SKAP1: variants seen among roughly 807,000 people sequenced by gnomAD.
SKAP1 encodes src kinase-associated phosphoprotein 1.
A neutral mutation model predicts 58.5 loss-of-function variants in SKAP1; 44 were observed. That is an observed-to-expected ratio of 0.75 (90% CI 0.59 to 0.97). SKAP1 has a LOEUF of 0.97. Ranked by LOEUF, SKAP1 falls within the 50% of genes least tolerant of loss-of-function variation. The probability of loss-of-function intolerance (pLI) is 0.00; values close to 1 mark genes in which losing one functional copy is unlikely to be tolerated. For synonymous variants in SKAP1, 127 were observed against 149.7 expected, an observed-to-expected ratio of 0.85 and a Z score of 1.11; for missense variants, 390 against 435.2, an observed-to-expected ratio of 0.90 and a Z score of 0.92.
At chr17:48,193,616 T>C in intron 4 of SKAP1, 1 of 885,828 alleles carries the variant, frequency 1.1e-6, no homozygotes, top group Non-Finnish European at 1.4e-6. Flanking sequence ...CAAATCCAAA[T>C]AACCAAGGTG....
chr17:48,438,126 C>A, the SKAP1 span, among the ~76,000 whole-genome samples: 1 of 152,314 alleles, frequency 6.6e-6, no homozygotes, highest in East Asian at 1.9e-4. Context: ...TAAAGTCAGA[C>A]AACCCTGTGC....
At chr17:48,250,315 T>A (rs2065349011) in intron 4 of SKAP1, among the ~76,000 whole-genome samples, 3 of 120,922 alleles carry the variant, frequency 2.5e-5, no homozygotes, top group Non-Finnish European at 3.4e-5. Context: ...GGAGTTTCAC[T>A]CTGTCGCCCA....
intron 4 of SKAP1, among the ~76,000 whole-genome samples, chr17:48,201,383 C>G (rs1249946680): frequency 3.3e-5 from 5 of 150,988 alleles, no homozygotes; most frequent in African/African-American, 1.2e-4. Context: ...TCTTTCCTCT[C>G]TCTCTCTTTC....
In SKAP1 at chr17:48,189,518, A is replaced by G; in HGVS notation, c.281-18T>C. 6.3e-7 allele frequency: 1 copy of G among 1,599,180 alleles called. No individual in the cohort carries two copies. The highest frequency in any genetic ancestry group is 8.5e-7 in the Non-Finnish European group (1 of 1,171,414). Reference sequence around the variant, plus strand: ...TTCCATTCCTAAAAGGACCAATGGCAAAATGCTTTATTGAAACCTGGCAAA... The same window carrying G: ...TTCCATTCCTAAAAGGACCAATGGCGAAATGCTTTATTGAAACCTGGCAAA... On this transcript the variant is annotated intron_variant, in intron 4 of 12. Transcript: ENST00000336915.
intron 2 of SKAP1, among the ~76,000 whole-genome samples, chr17:48,379,522 A>G (rs1205347663): frequency 6.6e-6 from 1 of 152,184 alleles, no homozygotes; most frequent in African/African-American, 2.4e-5. Context: ...ACTTTCTTCT[A>G]TTTAAGAACT....
chr17:48,164,894 ATGTG>A (rs2064115075), intron 10 of SKAP1, among the ~76,000 whole-genome samples: 1 of 152,226 alleles, frequency 6.6e-6, no homozygotes, highest in Non-Finnish European at 1.5e-5. Context: ...TTTAACACAC[ATGTG>A]ATATGCATTT....
chr17:48,175,435 G>A (rs888781097), intron 9 of SKAP1, among the ~76,000 whole-genome samples: 6 of 152,136 alleles, frequency 3.9e-5, no homozygotes, highest in South Asian at 2.1e-4. Context: ...ATAAATCCAC[G>A]GATGTATAGC....
At chr17:48,379,749 T>C (rs2067192935) in intron 2 of SKAP1, among the ~76,000 whole-genome samples, 1 of 150,428 alleles carries the variant, frequency 6.6e-6, no homozygotes, top group Non-Finnish European at 1.5e-5. Context: ...TGGCATAATC[T>C]CAGTTCACTG....
At chr17:48,272,352 G>A (rs980718480) in intron 4 of SKAP1, among the ~76,000 whole-genome samples, 23 of 151,656 alleles carry the variant, frequency 1.5e-4, no homozygotes, top group Non-Finnish European at 2.9e-4. Context: ...GGCTGCTCTC[G>A]AACTCCTGAC....
At chr17:48,345,166 G>C (rs1159106143) in intron 4 of SKAP1, among the ~76,000 whole-genome samples, 1 of 152,140 alleles carries the variant, frequency 6.6e-6, no homozygotes, top group Non-Finnish European at 1.5e-5. Context: ...CCCCACACTT[G>C]GGAAATCTAG....
intron 4 of SKAP1, among the ~76,000 whole-genome samples, chr17:48,200,016 G>A (rs1219269441): frequency 2.0e-5 from 3 of 152,048 alleles, no homozygotes; most frequent in Non-Finnish European, 4.4e-5. Flanking sequence ...GAAGGCTGGC[G>A]CGGTGGCTTA....
chr17:48,175,954 T>C (rs2064283836), intron 9 of SKAP1, among the ~76,000 whole-genome samples: 2 of 152,234 alleles, frequency 1.3e-5, no homozygotes, highest in South Asian at 2.1e-4. Flanking sequence ...CCTGATGCTC[T>C]TTCTTCATAA....
chr17:48,152,260 C>T (rs576520831), intron 11 of SKAP1, among the ~76,000 whole-genome samples: 2 of 152,224 alleles, frequency 1.3e-5, no homozygotes, highest in East Asian at 3.9e-4. Flanking sequence ...GAAGTTACTG[C>T]CCTGTATGTT....
At chr17:48,437,244 G>A in the SKAP1 span, among the ~76,000 whole-genome samples, 51 of 152,256 alleles carry the variant, frequency 3.3e-4, no homozygotes, top group Middle Eastern at 3.4e-3. Context: ...TAGCAACAAA[G>A]CTCAGTGGAC....
At chr17:48,142,981 C>CT (rs776705662) in intron 11 of SKAP1, among the ~76,000 whole-genome samples, 5,425 of 132,970 alleles carry the variant, frequency 0.041, 133 homozygotes, top group East Asian at 0.059. Context: ...AAAAAAAAAA[C>CT]TTTTTTTTTT....
chr17:48,170,645 G>A lies in SKAP1; in HGVS notation c.841C>T (p.Leu281=). 1.2e-6 allele frequency: 2 copies of A among 1,613,168 alleles called. No individual in the cohort carries two copies. The highest frequency in any genetic ancestry group is 4.5e-5 in the East Asian group (2 of 44,870). ...YEVLPDEEHD[L]EEDESGTRRK... is the part of the protein sequence containing the mutation. ...CGAGTGCCACTCTCATCCTCTTCTA[G>A]ATCATGCTCTTCATCTGGGGGGATA... The change falls in exon 10 of 13, where the codon CTA becomes TTA. Residue 281 remains leucine (L), a synonymous_variant. Transcript: ENST00000336915.
chr17:48,377,571 C>A, intron 2 of SKAP1, among the ~76,000 whole-genome samples: 1 of 135,300 alleles, frequency 7.4e-6, no homozygotes. Flanking sequence ...GAGCAAGACC[C>A]TGTCTCAAAA....
chr17:48,150,488 C>A (rs903128158), intron 11 of SKAP1, among the ~76,000 whole-genome samples: 2 of 152,324 alleles, frequency 1.3e-5, no homozygotes, highest in Admixed American at 1.3e-4. Flanking sequence ...AGCCAACACC[C>A]TTTCTAGGTG....
At chr17:48,241,655 A>G (rs1407541039) in intron 4 of SKAP1, among the ~76,000 whole-genome samples, 4 of 152,150 alleles carry the variant, frequency 2.6e-5, no homozygotes, top group African/African-American at 9.7e-5. Context: ...ACAGATCTAA[A>G]ACCATGCTTA....
Sources: allele counts gnomAD v4.1 joint callset (sites outside exome capture counted in the v4.1 genomes callset), GRCh38; gene constraint gnomAD v4.1.1; transcripts MANE v1.5; gene names NCBI Gene and HGNC (gene_info 2026-07-23, HGNC 2026-07-21).